LRFN5: variants seen among roughly 807,000 people sequenced by gnomAD.
LRFN5 encodes leucine-rich repeat and fibronectin type-III domain-containing protein 5.
LRFN5 carries 24 observed loss-of-function variants against 45.6 expected under a neutral mutation model. The ratio of observed to expected loss-of-function variants is 0.53; its 90% confidence interval spans 0.38 to 0.74. LRFN5 has a LOEUF of 0.74. Ranked by LOEUF, LRFN5 falls within the 30% of genes least tolerant of loss-of-function variation. LRFN5 has a pLI of 0.00. For missense variants in LRFN5, 776 were observed against 861.5 expected, an observed-to-expected ratio of 0.90 and a Z score of 1.24; for synonymous variants, 340 against 313.8, an observed-to-expected ratio of 1.08 and a Z score of -0.88.
In LRFN5 at chr14:41,818,847, T is replaced by A. The variant is rs946074948; in HGVS notation, c.-21+51818T>A. Among the ~76,000 whole-genome samples the A allele has an allele frequency of 2.6e-5, 4 of 152,150 alleles. No individual in the cohort carries two copies. The South Asian group carries it at 8.3e-4, about 31-fold the overall frequency. Reference sequence around the variant, plus strand: ...TAGTGTATCTATCACCTGAATAGTGTACATTGTACTCAGTAGATAATTTCT... The same window carrying A: ...TAGTGTATCTATCACCTGAATAGTGAACATTGTACTCAGTAGATAATTTCT... On this transcript the variant is annotated intron_variant, in intron 2 of 5. Coordinates refer to ENST00000298119, the MANE Select transcript of LRFN5 (RefSeq NM_152447.5).
At position 41,698,439 on chromosome 14, in the gene LRFN5, C is replaced by A. The variant is rs78578342; in HGVS notation, c.-196-68415C>A. Among the ~76,000 whole-genome samples, 1,111 of 152,172 alleles carry A rather than the reference C, an allele frequency of 7.3e-3. 12 individuals are homozygous for A. The highest frequency in any genetic ancestry group is 0.026 in the African/African-American group (1,064 of 41,548). On this transcript the variant is annotated intron_variant, in intron 1 of 5. Transcript: ENST00000298119. ...TTGAGCAATGTATGGAACACTGGTT[C>A]TCTACCTTATTTGCATATTAGTATC...
At chr14:41,878,692 C>A (rs1890270830) in intron 2 of LRFN5, among the ~76,000 whole-genome samples, 1 of 152,068 alleles carries the variant, frequency 6.6e-6, no homozygotes, top group Non-Finnish European at 1.5e-5. Flanking sequence ...GTCTGTGTTG[C>A]TTACATTTAA....
chr14:41,759,454 C>CT lies in LRFN5; in HGVS notation c.-196-7400_-196-7399insT, dbSNP rs368731017. ...AAAGTATATTCTCTCTCTCTACACA[C>CT]ACACACACACACACACACACACACA... On this transcript the variant is annotated intron_variant, in intron 1 of 5. Coordinates refer to ENST00000298119, the MANE Select transcript of LRFN5 (RefSeq NM_152447.5). Among the ~76,000 whole-genome samples the CT allele has an allele frequency of 8.5e-3, 389 of 45,762 alleles. 1 individual carries two copies. The highest frequency in any genetic ancestry group is 0.021 in the Admixed American group (80 of 3,814). The allele number at this position is 45,762 out of a possible 152,430, so 30.0% of individuals were successfully genotyped here.
chr14:41,758,796 A>G (rs370923510), intron 1 of LRFN5, among the ~76,000 whole-genome samples: 43 of 152,172 alleles, frequency 2.8e-4, no homozygotes, highest in African/African-American at 9.6e-4. Context: ...TTTGTTTCCA[A>G]TGACCTCTCT....
At chr14:41,723,633 GGTCCC>G (rs1467782399) in intron 1 of LRFN5, among the ~76,000 whole-genome samples, 1 of 152,090 alleles carries the variant, frequency 6.6e-6, no homozygotes, top group Non-Finnish European at 1.5e-5. Context: ...ACTGGTTCCA[GGTCCC>G]CAAGCTGACT....
chr14:41,900,276 G>A (rs773419951), intron 5 of LRFN5, among the ~76,000 whole-genome samples: 10 of 151,932 alleles, frequency 6.6e-5, no homozygotes, highest in East Asian at 5.8e-4. Context: ...AAATGTCTAC[G>A]TAAGTTTTCA....
Position 41,880,129 on chromosome 14 carries a change from G to A in LRFN5, c.-20-6477G>A, listed in dbSNP as rs191402888. Among the ~76,000 whole-genome samples, 609 of 151,384 alleles carry A rather than the reference G, an allele frequency of 4.0e-3. 5 individuals are homozygous for A. The highest frequency in any genetic ancestry group is 0.022 in the South Asian group (107 of 4,788). On this transcript the variant is annotated intron_variant, in intron 2 of 5. Coordinates refer to ENST00000298119, the MANE Select transcript of LRFN5 (RefSeq NM_152447.5). ...TTTTTAGTAGAGATGGGGTTTCACC[G>A]TATTAGCCAGGATGGTCTCGATCTC...
intron 2 of LRFN5, among the ~76,000 whole-genome samples, chr14:41,817,305 AT>A (rs992239699): frequency 3.3e-4 from 49 of 150,720 alleles, no homozygotes; most frequent in African/African-American, 9.0e-4. Flanking sequence ...CTTCATAGGT[AT>A]TTTTTTTTCT....
intron 2 of LRFN5, among the ~76,000 whole-genome samples, chr14:41,856,908 C>G (rs941140933): frequency 3.4e-4 from 51 of 150,510 alleles, no homozygotes; most frequent in African/African-American, 1.2e-3. Context: ...TCGTGATCCG[C>G]CCGCCTCGGC....
At chr14:41,722,866 A>G (rs1432525605) in intron 1 of LRFN5, among the ~76,000 whole-genome samples, 1 of 152,180 alleles carries the variant, frequency 6.6e-6, no homozygotes, top group African/African-American at 2.4e-5. Flanking sequence ...GGTGGGGGAC[A>G]AGATGGGTGG....
intron 2 of LRFN5, among the ~76,000 whole-genome samples, chr14:41,858,760 C>G (rs537076979): frequency 2.0e-5 from 3 of 152,206 alleles, no homozygotes; most frequent in African/African-American, 7.2e-5. Flanking sequence ...GCTTTGTCTC[C>G]ACCACTACAC....
At position 41,887,495 on chromosome 14, in the gene LRFN5, T is replaced by G. The variant is rs776973981; in HGVS notation, c.870T>G (p.Thr290=). Residue 290 remains threonine, a synonymous_variant, in exon 3 of 6, where the codon ACT becomes ACG. Transcript: ENST00000298119. The surrounding 1 kb of genome is among the most constrained non-coding windows in gnomAD (Gnocchi z 4.8). ...EEFLCEPPLI[T]RHTHEMRVLE... Reference sequence around the variant, plus strand: ...TTTTGTGTGAGCCTCCTCTCATTACTCGTCATACACATGAGATGAGAGTCC... The same window carrying G: ...TTTTGTGTGAGCCTCCTCTCATTACGCGTCATACACATGAGATGAGAGTCC... 5.6e-6 allele frequency: 9 copies of G among 1,614,056 alleles called. No homozygotes were observed. In the Admixed American group the frequency reaches 6.7e-5, roughly 12 times the overall value.
chr14:41,876,888 A>G (rs1224003866), intron 2 of LRFN5, among the ~76,000 whole-genome samples: 1 of 152,198 alleles, frequency 6.6e-6, no homozygotes, highest in African/African-American at 2.4e-5. Context: ...GTTAACAGCC[A>G]CAATAATCTG....
chr14:41,801,817 G>T (rs746575295), intron 2 of LRFN5, among the ~76,000 whole-genome samples: 19 of 152,146 alleles, frequency 1.2e-4, no homozygotes, highest in Non-Finnish European at 2.5e-4. Flanking sequence ...AAAGCAGCAT[G>T]TTTCACCGGG....
At chr14:41,697,476 T>C (rs1882661828) in intron 1 of LRFN5, among the ~76,000 whole-genome samples, 1 of 151,858 alleles carries the variant, frequency 6.6e-6, no homozygotes, top group Non-Finnish European at 1.5e-5. Flanking sequence ...CATGGATTTG[T>C]CTATTTCTTC....
chr14:41,850,395 A>G (rs1889223551), intron 2 of LRFN5, among the ~76,000 whole-genome samples: 1 of 151,874 alleles, frequency 6.6e-6, no homozygotes, highest in African/African-American at 2.4e-5. Flanking sequence ...AATTGTTTGA[A>G]TAACTTCTGC....
intron 1 of LRFN5, among the ~76,000 whole-genome samples, chr14:41,711,927 T>G (rs1335337373): frequency 6.6e-6 from 1 of 152,168 alleles, no homozygotes; most frequent in East Asian, 1.9e-4. Context: ...GCTTAGGAAT[T>G]GTATACTATG....
intron 1 of LRFN5, among the ~76,000 whole-genome samples, chr14:41,712,791 G>A (rs934313056): frequency 6.6e-6 from 1 of 151,996 alleles, no homozygotes; most frequent in African/African-American, 2.4e-5. Context: ...CCATTTTGAA[G>A]TTTAAAATAA....
rs548391986 is a variant in LRFN5 at position 41,798,069 on chromosome 14, C to G, written c.-21+31040C>G. Among the ~76,000 whole-genome samples the G allele has an allele frequency of 3.9e-5, 6 of 152,028 alleles. No individual in the cohort carries two copies. In the East Asian group the frequency reaches 9.7e-4, roughly 24 times the overall value. ...ATCTCTATCCCCGCTTTAACTTAGA[C>G]TTATTGCTCTCTAGACATGCTCCAA... On this transcript the variant is annotated intron_variant, in intron 2 of 5. Coordinates refer to ENST00000298119, the MANE Select transcript of LRFN5 (RefSeq NM_152447.5).
Sources: allele counts gnomAD v4.1 joint callset (sites outside exome capture counted in the v4.1 genomes callset), GRCh38; gene constraint gnomAD v4.1.1; non-coding constraint Gnocchi (gnomAD v3.1); transcripts MANE v1.5; gene names NCBI Gene and HGNC (gene_info 2026-07-23, HGNC 2026-07-21).